The following NDUFAF6 variants were observed in gnomAD, a reference collection of about 807,000 sequenced individuals.
NDUFAF6 encodes the protein NADH dehydrogenase (ubiquinone) complex I, assembly factor 6.
In NDUFAF6, 45 loss-of-function variants were observed where a neutral mutation model predicts 40.8. The ratio of observed to expected loss-of-function variants is 1.10; its 90% CI spans 0.87 to 1.42. The LOEUF is 1.42. Among genes scored for constraint, NDUFAF6 ranks in the 40% most tolerant of loss-of-function variants. The probability of loss-of-function intolerance (pLI) is 0.00; values close to 1 mark genes in which losing one functional copy is unlikely to be tolerated. For synonymous variants in NDUFAF6, 185 were observed against 155.9 expected (o/e 1.19, Z -1.39); for missense variants, 435 against 418.5 (o/e 1.04, Z -0.34).
At chr8:94,918,761 G>A (rs1819303102) in intron 1 of NDUFAF6, among the ~76,000 whole-genome samples, 2 of 152,136 alleles carry the variant, frequency 1.3e-5, no homozygotes, top group African/African-American at 2.4e-5. Context: ...CTTCAATTCT[G>A]TGTTCACAGT....
intron 2 of NDUFAF6, among the ~76,000 whole-genome samples, chr8:94,991,258 G>C (rs771621490): frequency 4.6e-5 from 7 of 152,176 alleles, no homozygotes; most frequent in Non-Finnish European, 1.0e-4. Context: ...TCCCTGATTT[G>C]ATAAACATCT....
At chr8:95,060,860 A>T (rs1832554611), downstream of NDUFAF6, among the ~76,000 whole-genome samples, 1 of 152,230 alleles carries the variant, frequency 6.6e-6, no homozygotes, top group Admixed American at 6.5e-5. Context: ...TAATTACTAC[A>T]TAAGTTCCAA....
chr8:94,910,137 C>T (rs992552542), intron 1 of NDUFAF6, among the ~76,000 whole-genome samples: 1 of 151,648 alleles, frequency 6.6e-6, no homozygotes, highest in African/African-American at 2.4e-5. Context: ...CATTTAGGAA[C>T]TTTTTTTTGT....
downstream of NDUFAF6, among the ~76,000 whole-genome samples, chr8:95,105,040 A>AAC (rs71569111): frequency 2.3e-3 from 296 of 128,330 alleles, 1 homozygote; most frequent in African/African-American, 4.1e-3. Context: ...TGCTATGAGA[A>AAC]ACACACACAC....
At chr8:94,910,328 T>A (rs927556179) in intron 1 of NDUFAF6, among the ~76,000 whole-genome samples, 11 of 152,066 alleles carry the variant, frequency 7.2e-5, no homozygotes, top group Non-Finnish European at 1.3e-4. Flanking sequence ...AATTTTTGTA[T>A]TTTTAGTAGA....
rs75150241 is a variant in NDUFAF6 at position 95,036,541 on chromosome 8, A to G, written c.420+965A>G. On this transcript the variant is annotated intron_variant, in intron 3 of 8. Transcript: ENST00000396124. The stretch of plus-strand genomic sequence containing the variant: ...TACCTCTGTTCATCCCACTTCAAGA[A>G]GCTCAACCTAGGTGACTCACTAAAA... 1.2e-3 allele frequency: 1,561 copies of G among 1,263,476 alleles called. 13 individuals are homozygous for G. In the African/African-American group the frequency reaches 0.021, roughly 17 times the overall value. The allele number at this position is 1,263,476 out of a possible 1,614,324, so 78.3% of individuals were successfully genotyped here.
rs145191313 is a variant in NDUFAF6 at position 94,979,369 on chromosome 8, T to G, written c.-198-1490T>G. Among the ~76,000 whole-genome samples the G allele has an allele frequency of 3.9e-3, 588 of 152,290 alleles. 6 individuals carry two copies. Among genetic ancestry groups the G allele is most frequent in the African/African-American group, 0.014 (570 of 41,562 alleles). On this transcript the variant is annotated intron_variant, in intron 1 of 9. Coordinates refer to the NDUFAF6 transcript ENST00000396111. The stretch of plus-strand genomic sequence containing the variant: ...GTGCTTTCCTATCTCCTCACTTCCT[T>G]GAGGAATGCTGCCCAGCCTTTAAAG...
chr8:95,013,037 C>A (rs562708711), intron 2 of NDUFAF6, among the ~76,000 whole-genome samples: 14 of 152,256 alleles, frequency 9.2e-5, no homozygotes, highest in African/African-American at 3.4e-4. Context: ...TTTCTTTCTA[C>A]TCTTCTATTT....
At chr8:94,916,154 T>C (rs983165292) in intron 1 of NDUFAF6, among the ~76,000 whole-genome samples, 3 of 152,150 alleles carry the variant, frequency 2.0e-5, no homozygotes, top group Admixed American at 6.5e-5. Flanking sequence ...AGTAGCAAGA[T>C]AGTGTAGAAA....
chr8:95,036,308 C>A, intron 3 of NDUFAF6: 2 of 1,285,124 alleles, frequency 1.6e-6, no homozygotes, highest in Non-Finnish European at 2.0e-6. Flanking sequence ...GCAGTGATTG[C>A]CAAAAGAGGG....
chr8:94,986,068 T>C (rs910049559), intron 2 of NDUFAF6, among the ~76,000 whole-genome samples: 3 of 151,826 alleles, frequency 2.0e-5, no homozygotes, highest in Non-Finnish European at 2.9e-5. Flanking sequence ...AGAGATGGGG[T>C]TTCACCGTGT....
chr8:95,116,296 A>C (rs1810135483), exon 6 of NDUFAF6: 1 of 150,958 alleles, frequency 6.6e-6, no homozygotes, highest in South Asian at 2.1e-4. Flanking sequence ...TTTGTTCTTC[A>C]GCCATGATCA....
intron 2 of NDUFAF6, among the ~76,000 whole-genome samples, chr8:95,018,798 C>G (rs1339286935): frequency 6.6e-6 from 1 of 152,110 alleles, no homozygotes; most frequent in Non-Finnish European, 1.5e-5. Flanking sequence ...ACATCATAAG[C>G]CTTTAGGCTC....
downstream of NDUFAF6, among the ~76,000 whole-genome samples, chr8:95,103,845 T>A (rs1809731674): frequency 6.6e-6 from 1 of 152,214 alleles, no homozygotes; most frequent in Non-Finnish European, 1.5e-5. Flanking sequence ...AGCAGAGTTC[T>A]CTCCACAATC....
chr8:94,967,041 A>T (rs1163435674), intron 1 of NDUFAF6, among the ~76,000 whole-genome samples: 1 of 152,186 alleles, frequency 6.6e-6, no homozygotes, highest in Non-Finnish European at 1.5e-5. Context: ...AATTGGATAG[A>T]CCATTGTAAT....
intron 2 of NDUFAF6, among the ~76,000 whole-genome samples, chr8:95,015,820 C>T (rs1461951996): frequency 6.6e-6 from 1 of 152,006 alleles, no homozygotes; most frequent in African/African-American, 2.4e-5. Context: ...AAGTGGGGAG[C>T]TGATTTAGAC....
rs1423077244 is a variant in NDUFAF6, at chr8:95,031,988, G to C, written c.198-7G>C. Reference sequence around the variant, plus strand: ...GAGTAACTGTCTTTTTTTTCTGTCTGTTACAGGAAACGGGATTATGAAGGT... The same window carrying C: ...GAGTAACTGTCTTTTTTTTCTGTCTCTTACAGGAAACGGGATTATGAAGGT... On this transcript the variant is annotated splice_polypyrimidine_tract_variant and splice_region_variant and intron_variant, in intron 1 of 8. Transcript: ENST00000396124. 1 of 1,611,772 alleles carries C rather than the reference G, an allele frequency of 6.2e-7. No homozygotes were observed. Among genetic ancestry groups the C allele is most frequent in the Non-Finnish European group, 8.5e-7 (1 of 1,177,998 alleles).
chr8:95,007,758 T>G (rs1486611416), intron 2 of NDUFAF6, among the ~76,000 whole-genome samples: 1 of 150,438 alleles, frequency 6.6e-6, no homozygotes, highest in Non-Finnish European at 1.5e-5. Context: ...TAAGTCAGGG[T>G]CTCCTCTGTT....
rs983737726 is a variant in NDUFAF6, at chr8:95,067,654, T to TA, written c.*512-7978dup. ...GTTCTGGATTCCCACTAGACCTCGT[T>TA]ACTGTTCCTTATGGCCTCCACTGAC... is the stretch of plus-strand genomic sequence containing the variant. On this transcript the variant is annotated intron_variant and NMD_transcript_variant, in intron 9 of 9. Transcript: ENST00000520757. 3.3e-5 allele frequency: 5 copies of TA among 152,004 alleles called. 1 individual carries two copies. Among genetic ancestry groups the TA allele is most frequent in the African/African-American group, 1.2e-4 (5 of 41,120 alleles). The allele number at this position is 152,004 out of a possible 1,614,324, so 9.4% of individuals were successfully genotyped here. A position where few individuals can be genotyped will look rare whatever the true frequency, so the allele number is the denominator to read the frequency against.
Sources: gnomAD v4.1 joint callset for allele counts (sites outside exome capture counted in the v4.1 genomes callset) on GRCh38, gnomAD v4.1.1 for gene constraint, MANE v1.5 for transcripts, NCBI Gene and HGNC (gene_info 2026-07-23, HGNC 2026-07-21) for gene names.